The following CLMP variants were observed in gnomAD, a reference collection of about 807,000 sequenced individuals.
CLMP encodes the protein CXADR-like membrane protein.
CLMP carries 27 observed loss-of-function variants against 45.2 expected under a neutral mutation model. That is an observed-to-expected ratio of 0.60 (90% CI 0.44 to 0.82). CLMP has a LOEUF of 0.82. CLMP is among the 40% of genes least tolerant of loss of function. The pLI, the probability that CLMP is intolerant of heterozygous loss-of-function variation, is 0.00. For synonymous variants in CLMP, 167 were observed against 171.4 expected (o/e 0.97, Z 0.20); for missense variants, 403 against 448.4 (o/e 0.90, Z 0.91).
At chr11:123,186,813 G>T (rs986997390) in intron 1 of CLMP, among the ~76,000 whole-genome samples, 30 of 152,148 alleles carry the variant, frequency 2.0e-4, no homozygotes, top group African/African-American at 6.8e-4. Context: ...ATGAGCCAGA[G>T]CCTGGCCAGA....
intron 1 of CLMP, 118 bp from the exon 2 acceptor site, chr11:123,098,070 G>C: frequency 1.3e-6 from 1 of 779,288 alleles, no homozygotes; most frequent in Non-Finnish European, 1.9e-6. Flanking sequence ...TGGAGGGGTT[G>C]CAAGAGTCCT....
At chr11:123,105,916 C>T (rs2135486976) in intron 1 of CLMP, among the ~76,000 whole-genome samples, 1 of 151,750 alleles carries the variant, frequency 6.6e-6, no homozygotes, top group South Asian at 2.1e-4. Flanking sequence ...TCCCGGGTTC[C>T]AGCGATTCTT....
intron 1 of CLMP, among the ~76,000 whole-genome samples, chr11:123,140,119 G>A (rs995022050): frequency 6.6e-6 from 1 of 152,174 alleles, no homozygotes; most frequent in African/African-American, 2.4e-5. Context: ...AGTTTGTTAG[G>A]GATGGATCGT....
chr11:123,142,699 T>C (rs1043870049), intron 1 of CLMP, among the ~76,000 whole-genome samples: 2 of 133,714 alleles, frequency 1.5e-5, no homozygotes, highest in African/African-American at 6.3e-5. Context: ...CAATCTCGGC[T>C]CACTGCAAGC....
chr11:123,129,672 TATAA>T (rs1044084796), intron 1 of CLMP, among the ~76,000 whole-genome samples: 8 of 142,442 alleles, frequency 5.6e-5, no homozygotes, highest in Non-Finnish European at 1.1e-4. Context: ...ATTTTATATA[TATAA>T]ATATTATATT....
At chr11:123,165,601 C>A (rs1327606697) in intron 1 of CLMP, among the ~76,000 whole-genome samples, 1 of 152,126 alleles carries the variant, frequency 6.6e-6, no homozygotes, top group Non-Finnish European at 1.5e-5. Context: ...AGTACTGATT[C>A]CCCAGGCCTT....
At chr11:123,191,078 T>C (rs1365910309) in intron 1 of CLMP, among the ~76,000 whole-genome samples, 1 of 152,214 alleles carries the variant, frequency 6.6e-6, no homozygotes, top group African/African-American at 2.4e-5. Flanking sequence ...ATTTGATGTA[T>C]ACATGTCTTT....
intron 1 of CLMP, among the ~76,000 whole-genome samples, chr11:123,137,673 G>T (rs1247097556): frequency 1.3e-5 from 2 of 152,004 alleles, no homozygotes; most frequent in African/African-American, 4.8e-5. Context: ...TTTATAGAAA[G>T]GGGAAGGCTG....
At chr11:123,190,326 A>C (rs1312830115) in intron 1 of CLMP, among the ~76,000 whole-genome samples, 1 of 152,194 alleles carries the variant, frequency 6.6e-6, no homozygotes, top group East Asian at 1.9e-4. Context: ...CCATGAGTGA[A>C]CAGTGCCTGA....
chr11:123,100,864 G>C (rs1340128234), intron 1 of CLMP, among the ~76,000 whole-genome samples: 1 of 151,410 alleles, frequency 6.6e-6, no homozygotes, highest in Non-Finnish European at 1.5e-5. Flanking sequence ...CCCAAAACAG[G>C]CTTCAATACC....
At chr11:123,101,994 G>C (rs1274467859) in intron 1 of CLMP, among the ~76,000 whole-genome samples, 1 of 152,092 alleles carries the variant, frequency 6.6e-6, no homozygotes, top group Non-Finnish European at 1.5e-5. Context: ...AGACCAGCCT[G>C]GGCAACATGG....
chr11:123,134,577 C>T (rs1173597148), intron 1 of CLMP, among the ~76,000 whole-genome samples: 2 of 115,448 alleles, frequency 1.7e-5, no homozygotes, highest in African/African-American at 3.3e-5. Context: ...GAGGCTGAGG[C>T]GGGGGTGGGG....
chr11:123,080,221 A>C (rs1195288854), intron 5 of CLMP, among the ~76,000 whole-genome samples: 1 of 152,228 alleles, frequency 6.6e-6, no homozygotes, highest in African/African-American at 2.4e-5. Flanking sequence ...AGCAAACTGC[A>C]GTGCTTTTGC....
chr11:123,139,921 C>T (rs1055395009), intron 1 of CLMP, among the ~76,000 whole-genome samples: 9 of 152,200 alleles, frequency 5.9e-5, no homozygotes, highest in Admixed American at 4.6e-4. Flanking sequence ...GCTGTCTGTC[C>T]GATGGCGATA....
intron 1 of CLMP, among the ~76,000 whole-genome samples, chr11:123,115,377 C>T (rs142128484): frequency 1.6e-4 from 24 of 152,112 alleles, no homozygotes; most frequent in Non-Finnish European, 2.4e-4. Flanking sequence ...TTTTTCTTTA[C>T]TTAGACTCCC....
chr11:123,088,953 T>C (rs1346328538), intron 2 of CLMP, among the ~76,000 whole-genome samples: 1 of 152,220 alleles, frequency 6.6e-6, no homozygotes, highest in Non-Finnish European at 1.5e-5. Flanking sequence ...TGGGTTAGCA[T>C]CCAGAGATGC....
intron 1 of CLMP, among the ~76,000 whole-genome samples, chr11:123,107,702 T>C (rs1860580513): frequency 6.6e-6 from 1 of 152,044 alleles, no homozygotes; most frequent in African/African-American, 2.4e-5. Context: ...CCAGAAAACA[T>C]ACCACATGGA....
chr11:123,122,619 T>A (rs768085459), intron 1 of CLMP, among the ~76,000 whole-genome samples: 5 of 152,152 alleles, frequency 3.3e-5, no homozygotes, highest in Admixed American at 6.6e-5. Context: ...TATTTCCCAA[T>A]AGGCTCTCTC....
At chr11:123,115,761 C>T (rs575636067) in intron 1 of CLMP, among the ~76,000 whole-genome samples, 1 of 152,102 alleles carries the variant, frequency 6.6e-6, no homozygotes, top group Non-Finnish European at 1.5e-5. Flanking sequence ...TTTATGATGG[C>T]TGTGTTCTTC....
Sources: gnomAD v4.1 joint callset for allele counts (sites outside exome capture counted in the v4.1 genomes callset) on GRCh38, gnomAD v4.1.1 for gene constraint, MANE v1.5 for transcripts, NCBI Gene and HGNC (gene_info 2026-07-23, HGNC 2026-07-21) for gene names.